CTNNA2: variants seen among roughly 807,000 people sequenced by gnomAD.
CTNNA2 encodes catenin alpha-2.
CTNNA2 carries 42 observed loss-of-function variants against 101.0 expected under a neutral mutation model. That is an observed-to-expected ratio of 0.42 (90% confidence interval 0.32 to 0.54). CTNNA2 has a LOEUF of 0.54. CTNNA2 is among the 20% of genes least tolerant of loss of function. The pLI, the probability that CTNNA2 is intolerant of heterozygous loss-of-function variation, is 0.14. For synonymous variants in CTNNA2, 450 were observed against 456.4 expected, an observed-to-expected ratio of 0.99 and a Z score of 0.18; for missense variants, 871 against 1,223.1, an observed-to-expected ratio of 0.71 and a Z score of 4.29.
chr2:79,921,755 A>G (rs1686667690), intron 7 of CTNNA2, among the ~76,000 whole-genome samples: 1 of 152,184 alleles, frequency 6.6e-6, no homozygotes, highest in South Asian at 2.1e-4. Context: ...TGAGAGACTT[A>G]GAGCATCAAC....
chr2:79,755,998 C>A (rs1253842991), intron 3 of CTNNA2, among the ~76,000 whole-genome samples: 1 of 152,132 alleles, frequency 6.6e-6, no homozygotes, highest in Non-Finnish European at 1.5e-5. Context: ...GCAATAGGTT[C>A]ATCTGTTGCA....
intron 4 of CTNNA2, among the ~76,000 whole-genome samples, chr2:79,396,631 T>C (rs1323432778): frequency 6.6e-6 from 1 of 152,202 alleles, no homozygotes; most frequent in Non-Finnish European, 1.5e-5. Flanking sequence ...TTGATCTCAT[T>C]TGAAATAATT....
At chr2:80,631,365 T>TTTC (rs745970849) in intron 18 of CTNNA2, among the ~76,000 whole-genome samples, 3,709 of 122,284 alleles carry the variant, frequency 0.03, 75 homozygotes, top group Non-Finnish European at 0.047. Flanking sequence ...CCACTAATTT[T>TTTC]TTTTTTTTTT....
At chr2:79,882,304 G>A (rs371657134) in intron 6 of CTNNA2, among the ~76,000 whole-genome samples, 9 of 152,248 alleles carry the variant, frequency 5.9e-5, no homozygotes, top group African/African-American at 2.2e-4. Context: ...TTTTCTCATG[G>A]AGTATCTTAG....
chr2:79,516,983 C>A (rs919336132), intron 1 of CTNNA2, among the ~76,000 whole-genome samples: 1 of 152,006 alleles, frequency 6.6e-6, no homozygotes, highest in African/African-American at 2.4e-5. Context: ...TACAAAAGCC[C>A]CTTTTCATTG....
At chr2:80,110,581 T>C (rs1701154727) in intron 7 of CTNNA2, among the ~76,000 whole-genome samples, 1 of 152,154 alleles carries the variant, frequency 6.6e-6, no homozygotes, top group Non-Finnish European at 1.5e-5. Flanking sequence ...GGGTTTTGTT[T>C]ATAGCCTGTA....
At chr2:79,731,431 C>T (rs1687188144) in intron 2 of CTNNA2, among the ~76,000 whole-genome samples, 1 of 152,016 alleles carries the variant, frequency 6.6e-6, no homozygotes, top group African/African-American at 2.4e-5. Context: ...ATGTGTTTTT[C>T]TGTATCCTGA....
intron 3 of CTNNA2, among the ~76,000 whole-genome samples, chr2:79,808,844 GT>G (rs1017504576): frequency 9.2e-5 from 14 of 151,718 alleles, no homozygotes; most frequent in Non-Finnish European, 1.5e-5. Context: ...GAATGTGCAG[GT>G]TTGTTACATA....
chr2:80,279,716 A>C (rs1674215188), intron 7 of CTNNA2, among the ~76,000 whole-genome samples: 1 of 152,252 alleles, frequency 6.6e-6, no homozygotes, highest in South Asian at 2.1e-4. Context: ...GCATGGTATT[A>C]CATAGAAAGC....
In CTNNA2 at chr2:79,265,119, A is replaced by G. The variant is rs139988710; in HGVS notation, c.-405-47590A>G. ...GAATTTTGAGGAACCATTTTAGGAA[A>G]GAATCACAATCACAATTTTACTCAT... On this transcript the variant is annotated intron_variant, in intron 2 of 21. Transcript: ENST00000466387. Among the ~76,000 whole-genome samples the G allele has an allele frequency of 5.6e-3, 851 of 152,314 alleles. 9 individuals carry two copies. The highest frequency in any genetic ancestry group is 0.019 in the African/African-American group (806 of 41,578).
chr2:80,630,636 A>C (rs1042314271), intron 18 of CTNNA2, among the ~76,000 whole-genome samples: 1 of 152,194 alleles, frequency 6.6e-6, no homozygotes, highest in Non-Finnish European at 1.5e-5. Context: ...ACTCCGTCTC[A>C]AAAATAAATA....
chr2:79,301,893 C>G (rs1217838841), intron 2 of CTNNA2, among the ~76,000 whole-genome samples: 2 of 151,926 alleles, frequency 1.3e-5, no homozygotes, highest in African/African-American at 4.8e-5. Flanking sequence ...GAGTTCGAAA[C>G]CAGCCTGGCC....
chr2:79,294,241 G>GAAGAAGAAGAAGAAGAAGAAGAA (rs397973299), intron 2 of CTNNA2, among the ~76,000 whole-genome samples: 7 of 133,250 alleles, frequency 5.3e-5, no homozygotes, highest in African/African-American at 2.0e-4. Flanking sequence ...AAGAAGAAGA[G>GAAGAAGAAGAAGAAGAAGAAGAA]GAGGAGGAGG....
chr2:79,823,512 C>T (rs1004571875), intron 3 of CTNNA2, among the ~76,000 whole-genome samples: 1 of 151,362 alleles, frequency 6.6e-6, no homozygotes, highest in African/African-American at 2.4e-5. Flanking sequence ...AGTGAGACCC[C>T]ATCTCAAAAA....
intron 1 of CTNNA2, among the ~76,000 whole-genome samples, chr2:79,514,460 C>T (rs570978173): frequency 6.6e-6 from 1 of 152,178 alleles, no homozygotes; most frequent in Non-Finnish European, 1.5e-5. Context: ...GCTTCGGAAC[C>T]ATTGTTAATA....
At chr2:79,506,914 G>T (rs1051543693) in intron 5 of CTNNA2, among the ~76,000 whole-genome samples, 8 of 152,110 alleles carry the variant, frequency 5.3e-5, no homozygotes, top group East Asian at 1.9e-4. Flanking sequence ...TCACTCCAGG[G>T]CCAGACCAAT....
intron 7 of CTNNA2, among the ~76,000 whole-genome samples, chr2:80,063,254 C>G (rs1697736617): frequency 6.6e-6 from 1 of 152,080 alleles, no homozygotes. Context: ...CTCTCTTTCT[C>G]TCATTCTCTA....
At position 80,591,457 on chromosome 2, in the gene CTNNA2, G is replaced by GTTTTTT. The variant is rs567131551; in HGVS notation, c.2189+1988_2189+1993dup. 1.1e-3 allele frequency among the ~76,000 whole-genome samples: 74 copies of GTTTTTT among 70,302 alleles called. 9 individuals carry two copies. The highest frequency in any genetic ancestry group is 1.9e-3 in the African/African-American group (41 of 21,916). The allele number at this position is 70,302 out of a possible 152,430, so 46.1% of individuals were successfully genotyped here. Reference sequence around the variant, plus strand: ...ATTGCTGCCTCCATCTGCACAGCCTGTTTTTTTTTTTTTTTTTTTTTGCAA... The same window carrying GTTTTTT: ...ATTGCTGCCTCCATCTGCACAGCCTGTTTTTTTTTTTTTTTTTTTTTTTTTTTGCAA... On this transcript the variant is annotated intron_variant, in intron 15 of 18. Transcript: ENST00000402739.
chr2:80,611,645 A>C (rs1215462837), intron 17 of CTNNA2, among the ~76,000 whole-genome samples: 1 of 151,596 alleles, frequency 6.6e-6, no homozygotes, highest in Admixed American at 6.6e-5. Flanking sequence ...ATCTGGAAAA[A>C]TAAAAATCAT....
Sources: gnomAD v4.1 joint callset for allele counts (sites outside exome capture counted in the v4.1 genomes callset) on GRCh38, gnomAD v4.1.1 for gene constraint, MANE v1.5 for transcripts, NCBI Gene and HGNC (gene_info 2026-07-23, HGNC 2026-07-21) for gene names.